Variants in SLC44A5 observed in about 807,000 individuals in gnomAD.
SLC44A5 encodes solute carrier family 44 member 5.
SLC44A5 carries 57 observed loss-of-function variants against 101.8 expected under a neutral mutation model. The observed-to-expected ratio is 0.56, with a 90% CI of 0.45 to 0.70. The LOEUF (loss-of-function observed/expected upper bound fraction) is 0.70, where lower values mean the gene tolerates loss of function less well. Among genes scored for constraint, SLC44A5 ranks in the 30% least tolerant of loss-of-function variants. The pLI, the probability that SLC44A5 is intolerant of heterozygous loss-of-function variation, is 0.00. For missense variants in SLC44A5, 737 were observed against 853.1 expected (o/e 0.86, Z 1.70); for synonymous variants, 281 against 290.9 (o/e 0.97, Z 0.35).
chr1:75,571,603 T>C (rs1337353949), intron 1 of SLC44A5, among the ~76,000 whole-genome samples: 1 of 152,178 alleles, frequency 6.6e-6, no homozygotes, highest in African/African-American at 2.4e-5. Flanking sequence ...ATAAGCTTTG[T>C]ATTATATGGT....
intron 5 of SLC44A5, among the ~76,000 whole-genome samples, chr1:75,292,481 A>G (rs694025): frequency 0.83 from 126,584 of 152,208 alleles, 52,918 homozygotes; most frequent in East Asian, 0.97. Flanking sequence ...CATAGTACAA[A>G]CATTAACTGA....
At position 75,275,004 on chromosome 1, in the gene SLC44A5, T is replaced by C. The variant is rs772364986; in HGVS notation, c.214A>G (p.Thr72Ala). ...HGDPRRAAYP[T>A]DSQGHFCGQK... is the part of the protein sequence containing the mutation. The stretch of plus-strand genomic sequence containing the variant: ...CCACAAAAGTGGCCCTGGCTGTCTG[T>C]AGGATAGGCTGCTCTTCTGGGGTCC... Residue 72 changes from threonine to alanine, a missense_variant, in exon 6 of 24, where the codon ACA becomes GCA. Coordinates refer to ENST00000370859, the MANE Select transcript of SLC44A5 (RefSeq NM_001130058.2). 2.7e-5 allele frequency: 43 copies of C among 1,612,944 alleles called. No individual in the cohort carries two copies. The highest frequency in any genetic ancestry group is 3.6e-5 in the Non-Finnish European group (43 of 1,179,470).
At chr1:75,250,010 T>C (rs1162961979) in intron 7 of SLC44A5, among the ~76,000 whole-genome samples, 1 of 152,170 alleles carries the variant, frequency 6.6e-6, no homozygotes, top group Non-Finnish European at 1.5e-5. Context: ...TTAAAAACTT[T>C]TATTTTAAGT....
intron 1 of SLC44A5, among the ~76,000 whole-genome samples, chr1:75,581,510 T>C (rs928263532): frequency 1.3e-5 from 2 of 152,252 alleles, no homozygotes; most frequent in African/African-American, 4.8e-5. Flanking sequence ...CAATGAAGAA[T>C]GTAATTTTAG....
At chr1:75,320,572 T>C (rs1297707868) in intron 4 of SLC44A5, among the ~76,000 whole-genome samples, 1 of 152,208 alleles carries the variant, frequency 6.6e-6, no homozygotes. Context: ...GTTCATTCTA[T>C]ATGCCTAAGG....
At chr1:75,271,020 G>A (rs1194118741) in intron 6 of SLC44A5, among the ~76,000 whole-genome samples, 1 of 152,076 alleles carries the variant, frequency 6.6e-6, no homozygotes, top group East Asian at 1.9e-4. Flanking sequence ...CCTTCACAGT[G>A]TGAAGGTTGC....
the SLC44A5 span, among the ~76,000 whole-genome samples, chr1:75,623,999 A>G: frequency 6.6e-6 from 1 of 152,148 alleles, no homozygotes; most frequent in Non-Finnish European, 1.5e-5. Context: ...GGATCCTTGG[A>G]AAAATGACTC....
the SLC44A5 span, among the ~76,000 whole-genome samples, chr1:75,700,440 G>T: frequency 1.3e-5 from 2 of 150,468 alleles, no homozygotes; most frequent in Non-Finnish European, 3.0e-5. Context: ...CAGAAATAAA[G>T]ATGTTCTTTG....
chr1:75,609,096 C>T (rs560219115), intron 1 of SLC44A5, among the ~76,000 whole-genome samples: 1 of 151,718 alleles, frequency 6.6e-6, no homozygotes, highest in East Asian at 2.0e-4. Flanking sequence ...GAATAGAGAA[C>T]TACATGAACG....
intron 1 of SLC44A5, among the ~76,000 whole-genome samples, chr1:75,543,463 C>T (rs1167187926): frequency 3.3e-5 from 5 of 151,706 alleles, no homozygotes; most frequent in East Asian, 1.9e-4. Context: ...TTACTTTCAC[C>T]GCTGCATTAT....
At chr1:75,707,679 T>A in the SLC44A5 span, among the ~76,000 whole-genome samples, 1 of 152,208 alleles carries the variant, frequency 6.6e-6, no homozygotes, top group Non-Finnish European at 1.5e-5. Context: ...ATAATTTCTA[T>A]GAAAACCCTA....
the SLC44A5 span, among the ~76,000 whole-genome samples, chr1:75,640,267 G>A: frequency 6.6e-6 from 1 of 152,002 alleles, no homozygotes; most frequent in Non-Finnish European, 1.5e-5. Flanking sequence ...TTGGATGGTT[G>A]GACCAGCTAA....
chr1:75,629,310 A>G, the SLC44A5 span, among the ~76,000 whole-genome samples: 1 of 152,184 alleles, frequency 6.6e-6, no homozygotes, highest in Non-Finnish European at 1.5e-5. Context: ...AGCTAATGAC[A>G]TTGAAATAGA....
chr1:75,584,553 T>C (rs1387550741), intron 1 of SLC44A5, among the ~76,000 whole-genome samples: 1 of 152,176 alleles, frequency 6.6e-6, no homozygotes, highest in Admixed American at 6.5e-5. Context: ...AAATACTGTG[T>C]TTGCTTTTGG....
chr1:75,325,875 G>A (rs1249339935), intron 4 of SLC44A5, among the ~76,000 whole-genome samples: 1 of 151,670 alleles, frequency 6.6e-6, no homozygotes, highest in African/African-American at 2.4e-5. Flanking sequence ...TTTTGGGGGT[G>A]CAACCGAAGT....
the SLC44A5 span, among the ~76,000 whole-genome samples, chr1:75,668,882 C>G: frequency 6.6e-6 from 1 of 151,314 alleles, no homozygotes. Context: ...GTAATCCCAG[C>G]TACTCGGGAG....
At chr1:75,422,072 G>A (rs1342685665) in intron 2 of SLC44A5, among the ~76,000 whole-genome samples, 1 of 151,848 alleles carries the variant, frequency 6.6e-6, no homozygotes, top group Non-Finnish European at 1.5e-5. Context: ...AACCACTGGT[G>A]TGTGTGTGTG....
At chr1:75,433,258 C>T (rs898206165) in intron 2 of SLC44A5, among the ~76,000 whole-genome samples, 23 of 152,222 alleles carry the variant, frequency 1.5e-4, no homozygotes, top group African/African-American at 5.5e-4. Context: ...ACTTACTCCT[C>T]ATTCCACTGC....
intron 2 of SLC44A5, among the ~76,000 whole-genome samples, chr1:75,510,709 C>G (rs1259873547): frequency 1.3e-5 from 2 of 152,186 alleles, no homozygotes; most frequent in Non-Finnish European, 2.9e-5. Flanking sequence ...CTGTGGAAGT[C>G]TATTTGCTAA....
Sources: gnomAD v4.1 joint callset for allele counts (sites outside exome capture counted in the v4.1 genomes callset) on GRCh38, gnomAD v4.1.1 for gene constraint, MANE v1.5 for transcripts, NCBI Gene and HGNC (gene_info 2026-07-23, HGNC 2026-07-21) for gene names.